Variants in TNFRSF19 observed in about 807,000 individuals in gnomAD.
The protein encoded by TNFRSF19 is tumor necrosis factor receptor superfamily member 19.
A neutral mutation model predicts 46.4 loss-of-function variants in TNFRSF19; 27 were observed. The ratio of observed to expected loss-of-function variants is 0.58; its 90% confidence interval spans 0.43 to 0.80. TNFRSF19 has a LOEUF of 0.80. Among genes scored for constraint, TNFRSF19 ranks in the 30% least tolerant of loss-of-function variants. The probability of loss-of-function intolerance (pLI) is 0.00; values close to 1 mark genes in which losing one functional copy is unlikely to be tolerated. For missense variants in TNFRSF19, 511 were observed against 530.8 expected (o/e 0.96, Z 0.37); for synonymous variants, 204 against 205.0 (o/e 1.00, Z 0.04).
At chr13:23,599,096 A>G (rs757030104) in intron 3 of TNFRSF19, among the ~76,000 whole-genome samples, 2 of 152,142 alleles carry the variant, frequency 1.3e-5, no homozygotes, top group Non-Finnish European at 2.9e-5. Flanking sequence ...TTACATTTGG[A>G]TTGAAACTGA....
intron 2 of TNFRSF19, among the ~76,000 whole-genome samples, chr13:23,590,961 T>G (rs1879239852): frequency 6.6e-6 from 1 of 152,246 alleles, no homozygotes; most frequent in Admixed American, 6.5e-5. Flanking sequence ...AAAGTTATTA[T>G]TTTATATAGT....
At chr13:23,662,752 T>G (rs1884450236) in intron 7 of TNFRSF19, among the ~76,000 whole-genome samples, 1 of 152,192 alleles carries the variant, frequency 6.6e-6, no homozygotes, top group Non-Finnish European at 1.5e-5. Flanking sequence ...AGCTGTATTC[T>G]TAAGTATTTT....
At chr13:23,588,875 A>G (rs1879045095) in intron 1 of TNFRSF19, among the ~76,000 whole-genome samples, 1 of 152,222 alleles carries the variant, frequency 6.6e-6, no homozygotes, top group Non-Finnish European at 1.5e-5. Flanking sequence ...CACTCAACAA[A>G]GGTAAATGAT....
Position 23,669,023 on chromosome 13 carries a change from G to A in TNFRSF19, c.1171G>A (p.Ala391Thr), listed in dbSNP as rs765835816. ...GGTAGAATCAGCATCAACTCAGGAT[G>A]CACTAACTATGAGAAGCCAGCTAGA... ...TLVESASTQD[A>T]LTMRSQLDQE... Residue 391 changes from alanine (A) to threonine (T), a missense_variant, in exon 9 of 10, where the codon GCA becomes ACA. This residue lies in a region of TNFRSF19 where 376 missense variants were observed against 372.7 expected (regional missense o/e 1.01). Transcript: ENST00000248484. 12 of 1,614,090 alleles carry A rather than the reference G, an allele frequency of 7.4e-6. No homozygotes were observed. Among genetic ancestry groups the A allele is most frequent in the Middle Eastern group, 1.6e-4 (1 of 6,084 alleles).
At chr13:23,641,573 C>A (rs1883035269) in intron 5 of TNFRSF19, among the ~76,000 whole-genome samples, 1 of 152,168 alleles carries the variant, frequency 6.6e-6, no homozygotes, top group Admixed American at 6.5e-5. Flanking sequence ...TCAAGTGATC[C>A]ACCTGCCTCA....
intron 5 of TNFRSF19, among the ~76,000 whole-genome samples, chr13:23,638,551 G>T (rs1330101760): frequency 6.6e-6 from 1 of 152,170 alleles, no homozygotes; most frequent in East Asian, 1.9e-4. Context: ...GTCCATCCTG[G>T]TGGGCAGCAG....
At chr13:23,672,257 T>C (rs1951772129) in intron 9 of TNFRSF19, among the ~76,000 whole-genome samples, 1 of 152,198 alleles carries the variant, frequency 6.6e-6, no homozygotes, top group Non-Finnish European at 1.5e-5. Flanking sequence ...GTTTTTCCTA[T>C]ACACATCTCT....
At chr13:23,586,220 T>TTA (rs982231384) in intron 1 of TNFRSF19, among the ~76,000 whole-genome samples, 1 of 134,536 alleles carries the variant, frequency 7.4e-6, no homozygotes, top group African/African-American at 2.9e-5. Flanking sequence ...ATCACACTAC[T>TTA]GCACTCCAGC....
At chr13:23,656,783 T>C (rs148738140) in intron 5 of TNFRSF19, among the ~76,000 whole-genome samples, 78 of 152,282 alleles carry the variant, frequency 5.1e-4, no homozygotes, top group African/African-American at 1.8e-3. Context: ...GATAATGCTT[T>C]CATTTCCAAG....
At chr13:23,580,423 G>A (rs1041037530) in intron 1 of TNFRSF19, among the ~76,000 whole-genome samples, 1 of 152,180 alleles carries the variant, frequency 6.6e-6, no homozygotes, top group Non-Finnish European at 1.5e-5. Flanking sequence ...ATTTCTTTAT[G>A]TAAACAGGAA....
chr13:23,623,875 A>G (rs952530504), intron 4 of TNFRSF19, among the ~76,000 whole-genome samples: 1 of 152,148 alleles, frequency 6.6e-6, no homozygotes, highest in Non-Finnish European at 1.5e-5. Flanking sequence ...TATAAATATT[A>G]ACCCTTTATC....
At position 23,590,182 on chromosome 13, in the gene TNFRSF19, A is replaced by C; in HGVS notation, c.-2A>C. ...CAACAATAAATACATTTGATAAGAA[A>C]GATGGCTTTAAAAGTGCTACTAGAA... On this transcript the variant is annotated 5_prime_UTR_variant, in exon 2 of 10. Transcript: ENST00000248484. 1.3e-6 allele frequency: 2 copies of C among 1,583,120 alleles called. No individual in the cohort carries two copies. The highest frequency in any genetic ancestry group is 1.7e-6 in the Non-Finnish European group (2 of 1,160,118).
chr13:23,636,446 G>C (rs1184430852), intron 5 of TNFRSF19, among the ~76,000 whole-genome samples: 1 of 152,118 alleles, frequency 6.6e-6, no homozygotes, highest in African/African-American at 2.4e-5. Flanking sequence ...GGTTGTGAAT[G>C]ATCTCCTCGT....
chr13:23,617,681 G>T (rs1025844903), intron 4 of TNFRSF19, among the ~76,000 whole-genome samples: 1 of 152,188 alleles, frequency 6.6e-6, no homozygotes, highest in Non-Finnish European at 1.5e-5. Flanking sequence ...TGCATTGCAG[G>T]GGCAGCAAAC....
chr13:23,662,897 C>T (rs1298038150), intron 7 of TNFRSF19, among the ~76,000 whole-genome samples: 2 of 152,158 alleles, frequency 1.3e-5, no homozygotes, highest in African/African-American at 4.8e-5. Context: ...GGTTGTTTAT[C>T]AGCTGAAGAA....
At chr13:23,620,424 G>C (rs1881579788) in intron 4 of TNFRSF19, among the ~76,000 whole-genome samples, 1 of 152,184 alleles carries the variant, frequency 6.6e-6, no homozygotes. Flanking sequence ...AGCAGGTAGG[G>C]TGTGGAAATC....
At chr13:23,654,064 G>A (rs187110785) in intron 5 of TNFRSF19, among the ~76,000 whole-genome samples, 159 of 152,322 alleles carry the variant, frequency 1.0e-3, no homozygotes, top group African/African-American at 3.7e-3. Context: ...CTTGTTTGTG[G>A]CCAGGGTGGA....
At chr13:23,606,088 T>G (rs887648336) in intron 3 of TNFRSF19, among the ~76,000 whole-genome samples, 4 of 152,132 alleles carry the variant, frequency 2.6e-5, no homozygotes, top group Admixed American at 1.3e-4. Flanking sequence ...TTCCTCTCAA[T>G]TTCGTTATGA....
At chr13:23,615,261 T>C (rs1881191962) in intron 3 of TNFRSF19, among the ~76,000 whole-genome samples, 1 of 152,196 alleles carries the variant, frequency 6.6e-6, no homozygotes, top group Non-Finnish European at 1.5e-5. Context: ...TGTTCAAATC[T>C]AGAGAAGCTT....
Sources: allele counts gnomAD v4.1 joint callset (sites outside exome capture counted in the v4.1 genomes callset), GRCh38; gene constraint gnomAD v4.1.1; regional missense constraint gnomAD v4.1.1; transcripts MANE v1.5; gene names NCBI Gene and HGNC (gene_info 2026-07-23, HGNC 2026-07-21).